The following HECA variants were observed in gnomAD, a reference collection of about 807,000 sequenced individuals.
HECA encodes the protein headcase protein homolog.
In HECA, 13 loss-of-function variants were observed where a neutral mutation model predicts 37.6. The ratio of observed to expected loss-of-function variants is 0.35; its 90% CI spans 0.23 to 0.55. The LOEUF (loss-of-function observed/expected upper bound fraction) is 0.55, where lower values mean the gene tolerates loss of function less well. Ranked by LOEUF, HECA falls within the 20% of genes least tolerant of loss-of-function variation. The probability of loss-of-function intolerance (pLI) is 0.90; values close to 1 mark genes in which losing one functional copy is unlikely to be tolerated. For missense variants in HECA, 527 were observed against 701.9 expected (o/e 0.75, Z 2.82); for synonymous variants, 307 against 291.5 (o/e 1.05, Z -0.54).
intron 1 of HECA, among the ~76,000 whole-genome samples, chr6:139,140,557 CCTT>C (rs1243788314): frequency 2.6e-5 from 4 of 152,186 alleles, no homozygotes; most frequent in African/African-American, 9.7e-5. Flanking sequence ...TGTGATCTGT[CCTT>C]AAGTTCTAGA....
At chr6:139,169,495 C>T (rs1774942503) in intron 2 of HECA, 1 of 152,190 alleles carries the variant, frequency 6.6e-6, no homozygotes, top group Non-Finnish European at 1.5e-5. Context: ...GCTGAAATTG[C>T]AGAGAGTAGT....
intron 1 of HECA, among the ~76,000 whole-genome samples, chr6:139,136,639 T>C (rs1774448940): frequency 6.9e-6 from 1 of 145,440 alleles, no homozygotes; most frequent in Admixed American, 6.9e-5. Context: ...CTTTTTTGTT[T>C]TGTTTTTTTT....
Position 139,178,208 on chromosome 6 carries a change from A to G in HECA, c.*1103A>G, listed in dbSNP as rs1267853461. ...GTATGTTTGAAAAATAGACCATTCT[A>G]AAAAGCCCATGATACCTTACTGTTG... On this transcript the variant is annotated 3_prime_UTR_variant, in exon 4 of 4. Transcript: ENST00000367658. 1 of 152,222 alleles carries G rather than the reference A, an allele frequency of 6.6e-6. No homozygotes were observed. Among genetic ancestry groups the G allele is most frequent in the Non-Finnish European group, 1.5e-5 (1 of 68,034 alleles). The allele number at this position is 152,222 out of a possible 1,614,324, so 9.4% of individuals were successfully genotyped here. A position where few individuals can be genotyped will look rare whatever the true frequency, so the allele number is the denominator to read the frequency against.
chr6:139,168,221 G>T (rs1005184532), intron 2 of HECA, among the ~76,000 whole-genome samples: 1 of 151,964 alleles, frequency 6.6e-6, no homozygotes, highest in African/African-American at 2.4e-5. Flanking sequence ...TGGCTTTGAA[G>T]GTGGATGACT....
chr6:139,163,352 CTTTTTTTTT>C (rs60943037), intron 1 of HECA, among the ~76,000 whole-genome samples: 62 of 142,462 alleles, frequency 4.4e-4, no homozygotes, highest in African/African-American at 1.5e-3. Context: ...GTTCTCCATT[CTTTTTTTTT>C]TTTTTTTTTT....
At chr6:139,160,329 G>C (rs148387012) in intron 1 of HECA, among the ~76,000 whole-genome samples, 47 of 152,162 alleles carry the variant, frequency 3.1e-4, no homozygotes, top group Non-Finnish European at 1.2e-4. Context: ...AGATTAATGC[G>C]CCAAGGGAAG....
At chr6:139,166,207 C>A in intron 1 of HECA, 77 bp from the exon 2 acceptor site, 3 of 1,170,248 alleles carry the variant, frequency 2.6e-6, no homozygotes, top group Non-Finnish European at 3.7e-6. Flanking sequence ...AAACCTTATA[C>A]CATACTGTTG....
At chr6:139,147,616 G>GA (rs1288289603) in intron 1 of HECA, among the ~76,000 whole-genome samples, 2 of 151,588 alleles carry the variant, frequency 1.3e-5, no homozygotes, top group African/African-American at 2.4e-5. Context: ...TCTAAAAAAA[G>GA]AAAAAAAATG....
In HECA at chr6:139,149,539, T is replaced by C. The variant is rs532476238; in HGVS notation, c.271+13872T>C. On this transcript the variant is annotated intron_variant, in intron 1 of 3. Coordinates refer to ENST00000367658, the MANE Select transcript of HECA (RefSeq NM_016217.3). ...ACCAGTGATGAATGCACACACTGAT[T>C]TGTTGGAAGAACCAGTGCAGATGTT... Among the ~76,000 whole-genome samples the C allele has an allele frequency of 2.6e-5, 4 of 152,346 alleles. No individual in the cohort carries two copies. The South Asian group carries it at 8.3e-4, about 32-fold the overall frequency.
chr6:139,145,731 G>A (rs1037351981), intron 1 of HECA, among the ~76,000 whole-genome samples: 1 of 152,180 alleles, frequency 6.6e-6, no homozygotes, highest in African/African-American at 2.4e-5. Flanking sequence ...TAGGGGAAGG[G>A]GAGGGGAGAA....
intron 1 of HECA, among the ~76,000 whole-genome samples, chr6:139,162,090 G>C (rs752988569): frequency 3.9e-5 from 6 of 152,118 alleles, no homozygotes; most frequent in South Asian, 2.1e-4. Context: ...TACAAAGCCT[G>C]GGCCCAGTGG....
intron 1 of HECA, among the ~76,000 whole-genome samples, chr6:139,142,341 A>G (rs1774523970): frequency 6.6e-6 from 1 of 152,144 alleles, no homozygotes; most frequent in South Asian, 2.1e-4. Context: ...TACTTAGGAA[A>G]AATTCTTCCT....
At chr6:139,169,505 T>G (rs1387514686) in intron 2 of HECA, 1 of 152,250 alleles carries the variant, frequency 6.6e-6, no homozygotes, top group Non-Finnish European at 1.5e-5. Context: ...CAGAGAGTAG[T>G]CTCTTTCATT....
chr6:139,150,296 A>T (rs1774635370), intron 1 of HECA, among the ~76,000 whole-genome samples: 1 of 152,170 alleles, frequency 6.6e-6, no homozygotes, highest in Non-Finnish European at 1.5e-5. Context: ...AATATTTTAT[A>T]TGGAATCATT....
At chr6:139,161,588 A>G (rs1270511285) in intron 1 of HECA, among the ~76,000 whole-genome samples, 3 of 152,194 alleles carry the variant, frequency 2.0e-5, no homozygotes, top group Non-Finnish European at 4.4e-5. Context: ...TAAATGAAAT[A>G]TTTGCTGCTT....
chr6:139,152,217 T>A (rs542161158), intron 1 of HECA, among the ~76,000 whole-genome samples: 1 of 152,192 alleles, frequency 6.6e-6, no homozygotes. Flanking sequence ...TGTGATTTCT[T>A]ACTGAGATCA....
intron 1 of HECA, among the ~76,000 whole-genome samples, chr6:139,158,069 G>A (rs751678016): frequency 7.2e-5 from 11 of 152,210 alleles, no homozygotes; most frequent in Non-Finnish European, 1.6e-4. Context: ...TAGTTAAACA[G>A]TGCTTGGCCA....
In HECA at chr6:139,176,837, T is replaced by C. The variant is rs1031519339; in HGVS notation, c.1468-104T>C. On this transcript the variant is annotated intron_variant, in intron 3 of 3. Transcript: ENST00000367658. This position sits in a 1 kb window ranked among gnomAD's most constrained non-coding sequence, Gnocchi z 4.5. ...ATGTTTTTGGTAGTAAAAGGGATGC[T>C]TTGCAAAGCCCTTGATCAGTTTCCC... is the stretch of plus-strand genomic sequence containing the variant. The C allele has an allele frequency of 3.5e-5, 25 of 705,454 alleles. No individual in the cohort carries two copies. The African/African-American group carries it at 3.7e-4, about 10-fold the overall frequency. 43.7% of individuals were successfully genotyped at this position (705,454 alleles called of 1,614,324 possible). A position where few individuals can be genotyped will look rare whatever the true frequency, so the allele number is the denominator to read the frequency against.
intron 1 of HECA, among the ~76,000 whole-genome samples, chr6:139,159,751 A>T (rs1774770795): frequency 6.6e-6 from 1 of 152,208 alleles, no homozygotes; most frequent in Non-Finnish European, 1.5e-5. Flanking sequence ...GTGGGTTTAC[A>T]AGGATGAATG....
Sources: gnomAD v4.1 joint callset for allele counts (sites outside exome capture counted in the v4.1 genomes callset) on GRCh38, gnomAD v4.1.1 for gene constraint, Gnocchi (gnomAD v3.1) non-coding constraint, MANE v1.5 for transcripts, NCBI Gene and HGNC (gene_info 2026-07-23, HGNC 2026-07-21) for gene names.